HTR1E: variants seen among roughly 807,000 people sequenced by gnomAD.
The protein encoded by HTR1E is 5-hydroxytryptamine receptor 1E.
In HTR1E, 3 loss-of-function variants were observed where a neutral mutation model predicts 3.4. The ratio of observed to expected loss-of-function variants is 0.89; its 90% confidence interval spans 0.41 to 2.31. HTR1E has a LOEUF of 2.31. Ranked by LOEUF, HTR1E falls within the 30% of genes most tolerant of loss-of-function variation. HTR1E has a pLI of 0.05. For synonymous variants in HTR1E, 170 were observed against 182.8 expected, an observed-to-expected ratio of 0.93 and a Z score of 0.56; for missense variants, 392 against 467.0, an observed-to-expected ratio of 0.84 and a Z score of 1.48.
intron 1 of HTR1E, among the ~76,000 whole-genome samples, chr6:86,986,571 G>A (rs1409648070): frequency 1.3e-5 from 2 of 152,132 alleles, no homozygotes; most frequent in Non-Finnish European, 2.9e-5. Context: ...TGCTGAATCT[G>A]AACACCACCT....
chr6:86,976,776 C>T (rs924800997), intron 1 of HTR1E, among the ~76,000 whole-genome samples: 5 of 152,196 alleles, frequency 3.3e-5, no homozygotes, highest in Admixed American at 1.3e-4. Context: ...ATGCTAGGAT[C>T]TTGTCAAATC....
At chr6:86,993,926 A>C (rs1250080319) in intron 1 of HTR1E, among the ~76,000 whole-genome samples, 1 of 152,200 alleles carries the variant, frequency 6.6e-6, no homozygotes, top group Non-Finnish European at 1.5e-5. Flanking sequence ...AATCTTGTCA[A>C]AGAAATAGAA....
At chr6:87,013,232 T>A (rs751833330) in intron 1 of HTR1E, among the ~76,000 whole-genome samples, 117 of 152,230 alleles carry the variant, frequency 7.7e-4, no homozygotes, top group African/African-American at 2.0e-3. Context: ...TAACCTCATC[T>A]CCCTGGTGCT....
intron 1 of HTR1E, among the ~76,000 whole-genome samples, chr6:86,986,311 T>C (rs887073369): frequency 6.6e-5 from 10 of 152,070 alleles, no homozygotes; most frequent in African/African-American, 2.4e-4. Context: ...TTTTAAAGTA[T>C]TATATAGGGT....
chr6:86,993,455 G>C (rs913708163), intron 1 of HTR1E, among the ~76,000 whole-genome samples: 1 of 151,858 alleles, frequency 6.6e-6, no homozygotes, highest in African/African-American at 2.4e-5. Context: ...GAGGAAAAAC[G>C]ATGTTTGCTC....
intron 1 of HTR1E, among the ~76,000 whole-genome samples, chr6:86,943,819 A>C (rs748929454): frequency 2.0e-5 from 3 of 152,202 alleles, no homozygotes; most frequent in Non-Finnish European, 4.4e-5. Flanking sequence ...ATAATAAATT[A>C]CCCCAAAACC....
chr6:86,964,838 T>C (rs1767453314), intron 1 of HTR1E, among the ~76,000 whole-genome samples: 1 of 152,246 alleles, frequency 6.6e-6, no homozygotes, highest in Non-Finnish European at 1.5e-5. Flanking sequence ...ATAGGAATTA[T>C]AACTTGCACA....
chr6:86,966,201 G>C (rs1420640933), intron 1 of HTR1E, among the ~76,000 whole-genome samples: 1 of 152,046 alleles, frequency 6.6e-6, no homozygotes, highest in Non-Finnish European at 1.5e-5. Context: ...TAAGAAGAGG[G>C]AAGAAGGAAA....
chr6:86,970,200 C>G (rs766903075), intron 1 of HTR1E, among the ~76,000 whole-genome samples: 53 of 152,092 alleles, frequency 3.5e-4, no homozygotes, highest in Middle Eastern at 3.2e-3. Context: ...TGGAGCACAG[C>G]AACATTCAAT....
chr6:86,956,235 C>T (rs181899442), intron 1 of HTR1E, among the ~76,000 whole-genome samples: 3 of 152,304 alleles, frequency 2.0e-5, no homozygotes, highest in Non-Finnish European at 2.9e-5. Context: ...AAAGAATCCT[C>T]TTCCCTTTCC....
intron 1 of HTR1E, among the ~76,000 whole-genome samples, chr6:86,978,720 C>G (rs1377526250): frequency 6.6e-6 from 1 of 152,168 alleles, no homozygotes; most frequent in Non-Finnish European, 1.5e-5. Context: ...TGCATGCCAA[C>G]TTTGAGGTGC....
At chr6:86,977,519 A>G (rs1376779286) in intron 1 of HTR1E, among the ~76,000 whole-genome samples, 2 of 152,108 alleles carry the variant, frequency 1.3e-5, no homozygotes, top group East Asian at 3.9e-4. Flanking sequence ...TTTTTGGTAT[A>G]GTGATCTATT....
chr6:87,000,785 G>A (rs931361835), intron 1 of HTR1E, among the ~76,000 whole-genome samples: 1 of 152,120 alleles, frequency 6.6e-6, no homozygotes, highest in Admixed American at 6.5e-5. Flanking sequence ...ACATTAATGA[G>A]CAATAATAAA....
chr6:86,960,343 C>T (rs1350942459), intron 1 of HTR1E, among the ~76,000 whole-genome samples: 1 of 152,158 alleles, frequency 6.6e-6, no homozygotes, highest in Admixed American at 6.5e-5. Context: ...GACATTAATC[C>T]ATTCATAAAG....
At chr6:86,940,254 A>G (rs1768526442) in intron 1 of HTR1E, among the ~76,000 whole-genome samples, 1 of 152,070 alleles carries the variant, frequency 6.6e-6, no homozygotes, top group Non-Finnish European at 1.5e-5. Flanking sequence ...AGTAGATCTC[A>G]GCCAGGCATG....
intron 1 of HTR1E, among the ~76,000 whole-genome samples, chr6:87,009,401 C>A (rs1249088299): frequency 6.6e-6 from 1 of 152,056 alleles, no homozygotes; most frequent in African/African-American, 2.4e-5. Flanking sequence ...TCAACAGGAT[C>A]CCACGGCAGA....
intron 1 of HTR1E, among the ~76,000 whole-genome samples, chr6:86,988,225 A>G (rs1323094526): frequency 6.6e-6 from 1 of 152,166 alleles, no homozygotes; most frequent in East Asian, 1.9e-4. Flanking sequence ...GTATGGATCA[A>G]AAGAGGACCA....
intron 1 of HTR1E, among the ~76,000 whole-genome samples, chr6:86,968,782 T>C (rs1341316540): frequency 6.6e-6 from 1 of 152,190 alleles, no homozygotes; most frequent in Non-Finnish European, 1.5e-5. Flanking sequence ...ATTTTTACGT[T>C]ACAGAGTTAT....
intron 1 of HTR1E, among the ~76,000 whole-genome samples, chr6:86,959,523 C>T (rs1418757993): frequency 1.3e-5 from 2 of 152,178 alleles, no homozygotes; most frequent in Non-Finnish European, 2.9e-5. Context: ...GTCAAGGCTA[C>T]AGTGAGTGGA....
Sources: gnomAD v4.1 joint callset for allele counts (sites outside exome capture counted in the v4.1 genomes callset) on GRCh38, gnomAD v4.1.1 for gene constraint, MANE v1.5 for transcripts, NCBI Gene and HGNC (gene_info 2026-07-23, HGNC 2026-07-21) for gene names.